Variants in UBE2B observed in about 807,000 individuals in gnomAD.
UBE2B encodes ubiquitin-conjugating enzyme E2 B.
In UBE2B, 11 loss-of-function variants were observed where a neutral mutation model predicts 24.6. That is an observed-to-expected ratio of 0.45 (90% CI 0.28 to 0.74). The LOEUF (loss-of-function observed/expected upper bound fraction) is 0.74. Among genes scored for constraint, UBE2B ranks in the 30% least tolerant of loss-of-function variants. The pLI is 0.13. For synonymous variants in UBE2B, 68 were observed against 62.4 expected, an observed-to-expected ratio of 1.09 and a Z score of -0.42; for missense variants, 78 against 185.6, an observed-to-expected ratio of 0.42 and a Z score of 3.37.
At chr5:134,387,184 T>C (rs1758819780) in intron 4 of UBE2B, among the ~76,000 whole-genome samples, 2 of 152,070 alleles carry the variant, frequency 1.3e-5, no homozygotes, top group Admixed American at 6.6e-5. Context: ...GGTCTCGAAC[T>C]CATGACCTCA....
chr5:134,388,465 G>A (rs1758842222), intron 5 of UBE2B, 52 bp downstream of exon 5: 2 of 1,529,516 alleles, frequency 1.3e-6, no homozygotes, highest in Non-Finnish European at 9.1e-7. Context: ...GTAGGATATA[G>A]TCAGCTCCTT....
rs186519333 is a variant in UBE2B, at chr5:134,372,991, G to T, written c.44+1352G>T. 1.2e-4 allele frequency among the ~76,000 whole-genome samples: 18 copies of T among 152,216 alleles called. No homozygotes were observed. In the East Asian group the frequency reaches 3.3e-3, roughly 28 times the overall value. On this transcript the variant is annotated intron_variant, in intron 1 of 5. Transcript: ENST00000265339. ...TAGTAAACTAGTTCATGTCATTGTC[G>T]CCCTGGCTCCTTACTGTAATGCTCT...
In UBE2B at chr5:134,390,353, A is replaced by G. The variant is rs774239114; in HGVS notation, c.459A>G (p.Ter153=). ...AIVEQSWNDS[*] ...TTGAACAAAGCTGGAATGATTCATAATAGACAACTGGTCTGTTAATCTTTT... is the reference window on the plus strand; with the variant it reads ...TTGAACAAAGCTGGAATGATTCATAGTAGACAACTGGTCTGTTAATCTTTT... The change falls in exon 6 of 6, where the codon TAA becomes TAG. Residue 153 remains the stop codon, a stop_retained_variant. Transcript: ENST00000265339. This position sits in a 1 kb window ranked among gnomAD's most constrained non-coding sequence, Gnocchi z 4.6. 33 of 1,613,928 alleles carry G rather than the reference A, an allele frequency of 2.0e-5. No homozygotes were observed. The highest frequency in any genetic ancestry group is 2.6e-5 in the Non-Finnish European group (31 of 1,179,952).
Position 134,388,296 on chromosome 5 carries a change from T to G in UBE2B, c.242-29T>G, listed in dbSNP as rs753683456. The G allele has an allele frequency of 1.9e-6, 3 of 1,581,624 alleles. No homozygotes were observed. The East Asian group carries it at 6.7e-5, about 35-fold the overall frequency. On this transcript the variant is annotated intron_variant, in intron 4 of 5. Coordinates refer to ENST00000265339, the MANE Select transcript of UBE2B (RefSeq NM_003337.4). Reference sequence around the variant, plus strand: ...CTTAACTGTTAGATATGGCAGAGTGTGTAACTAATTTTAGTATTGTCTTTG... The same window carrying G: ...CTTAACTGTTAGATATGGCAGAGTGGGTAACTAATTTTAGTATTGTCTTTG...
intron 5 of UBE2B, among the ~76,000 whole-genome samples, chr5:134,389,552 T>G (rs930421289): frequency 7.4e-6 from 1 of 135,944 alleles, no homozygotes; most frequent in Admixed American, 7.1e-5. Flanking sequence ...TTCTTTTTTC[T>G]TTTTTTTTTT....
In UBE2B at chr5:134,371,605, C is replaced by T. The variant is rs373518433; in HGVS notation, c.10C>T (p.Pro4Ser). 6 of 1,612,890 alleles carry T rather than the reference C, an allele frequency of 3.7e-6. No individual in the cohort carries two copies. The highest frequency in any genetic ancestry group is 2.7e-5 in the African/African-American group (2 of 74,832). The part of the protein sequence containing the change: MST[P>S]ARRRLMRDFK... ...GGGGCAGCTGCGGAGCATGTCGACC[C>T]CGGCCCGGAGGAGGCTCATGCGGGA... The change falls in exon 1 of 6, where the codon CCG (proline) becomes TCG (serine). Residue 4 changes from proline (P) to serine (S), a missense_variant. Physicochemically the swap from Pro to Ser is moderately conservative, Grantham distance 74 (BLOSUM62 -1). Transcript: ENST00000265339.
intron 1 of UBE2B, among the ~76,000 whole-genome samples, chr5:134,372,229 G>GA (rs1047690486): frequency 1.3e-5 from 2 of 152,206 alleles, no homozygotes; most frequent in Non-Finnish European, 2.9e-5. Context: ...AACTGACTTA[G>GA]AGATCTGGGA....
Position 134,382,151 on chromosome 5 carries a change from C to T in UBE2B, c.241+1343C>T, listed in dbSNP as rs34191552. Reference sequence around the variant, plus strand: ...GAAAAATCTGTTGGCTAAAATTAAGCTTTTCAAAAATACAATTTTGGCCAG... The same window carrying T: ...GAAAAATCTGTTGGCTAAAATTAAGTTTTTCAAAAATACAATTTTGGCCAG... On this transcript the variant is annotated intron_variant, in intron 4 of 5. Transcript: ENST00000265339. Among the ~76,000 whole-genome samples the T allele has an allele frequency of 7.3e-4, 111 of 152,184 alleles. 1 individual carries two copies. The highest frequency in any genetic ancestry group is 1.4e-3 in the Non-Finnish European group (95 of 67,996).
rs1428547939 is a variant in UBE2B at position 134,392,011 on chromosome 5, AT to A, written c.*1659del. ...TGGCAAATTCTGAGGTAAGTGTATG[AT>A]CTTAGGGAACTTTGATACAAATGGG... is the stretch of plus-strand genomic sequence containing the variant. On this transcript the variant is annotated 3_prime_UTR_variant, in exon 6 of 6. Coordinates refer to ENST00000265339, the MANE Select transcript of UBE2B (RefSeq NM_003337.4). The A allele has an allele frequency of 6.6e-6, 1 of 152,166 alleles. No homozygotes were observed. Among genetic ancestry groups the A allele is most frequent in the African/African-American group, 2.4e-5 (1 of 41,450 alleles). 9.4% of individuals were successfully genotyped at this position (152,166 alleles called of 1,614,324 possible). A position where few individuals can be genotyped will look rare whatever the true frequency, so the allele number is the denominator to read the frequency against.
In UBE2B at chr5:134,377,675, G is replaced by A. The variant is rs542259355; in HGVS notation, c.151+981G>A. 7.2e-5 allele frequency among the ~76,000 whole-genome samples: 11 copies of A among 152,156 alleles called. No individual in the cohort carries two copies. In the South Asian group the frequency reaches 2.3e-3, roughly 32 times the overall value. On this transcript the variant is annotated intron_variant, in intron 3 of 5. Coordinates refer to ENST00000265339, the MANE Select transcript of UBE2B (RefSeq NM_003337.4). ...GTTACCTTTTTTCTCTACATCAAGG[G>A]TTCTCAAGTGTGTGATCCATAAACC...
intron 1 of UBE2B, among the ~76,000 whole-genome samples, chr5:134,372,720 C>G (rs1758497566): frequency 6.6e-6 from 1 of 152,146 alleles, no homozygotes; most frequent in African/African-American, 2.4e-5. Context: ...TGCAGTTCTT[C>G]TAAGGCTTCT....
At chr5:134,384,795 TAAAAAC>T (rs1017354050) in intron 4 of UBE2B, among the ~76,000 whole-genome samples, 3 of 152,204 alleles carry the variant, frequency 2.0e-5, no homozygotes, top group Non-Finnish European at 2.9e-5. Flanking sequence ...ATGACCACTT[TAAAAAC>T]AACAAAAAGC....
intron 4 of UBE2B, among the ~76,000 whole-genome samples, chr5:134,386,706 A>G (rs1055625638): frequency 3.9e-5 from 6 of 152,060 alleles, no homozygotes; most frequent in Admixed American, 2.0e-4. Flanking sequence ...TTACATTTTG[A>G]CATTCGGTCT....
Position 134,376,163 on chromosome 5 carries a change from G to A in UBE2B, c.126-506G>A, listed in dbSNP as rs975473581. Among the ~76,000 whole-genome samples, 8 of 148,890 alleles carry A rather than the reference G, an allele frequency of 5.4e-5. No individual in the cohort carries two copies. In the South Asian group the frequency reaches 8.6e-4, roughly 16 times the overall value. ...AGCCTGGCCAATATGGTGAAACCCC[G>A]TTTCTACTAAAAATACAAAAATTAG... On this transcript the variant is annotated intron_variant, in intron 2 of 5. Transcript: ENST00000265339.
At chr5:134,376,025 C>A (rs1444276895) in intron 2 of UBE2B, among the ~76,000 whole-genome samples, 5 of 151,380 alleles carry the variant, frequency 3.3e-5, no homozygotes, top group Admixed American at 1.3e-4. Flanking sequence ...GAAAAGATGT[C>A]TTTTCCTCTT....
At chr5:134,379,095 T>C (rs1379791734) in intron 3 of UBE2B, among the ~76,000 whole-genome samples, 1 of 152,186 alleles carries the variant, frequency 6.6e-6, no homozygotes, top group African/African-American at 2.4e-5. Flanking sequence ...TAGTATATAA[T>C]GGAATATGGC....
At chr5:134,376,340 A>ATATATAT (rs1206993709) in intron 2 of UBE2B, among the ~76,000 whole-genome samples, 120 of 5,882 alleles carry the variant, frequency 0.02, 10 homozygotes, top group Middle Eastern at 0.062. Flanking sequence ...AAAAAAAAAA[A>ATATATAT]AAAAAAAAAT....
At chr5:134,373,792 T>C (rs1043049971) in intron 1 of UBE2B, among the ~76,000 whole-genome samples, 4 of 152,232 alleles carry the variant, frequency 2.6e-5, no homozygotes, top group African/African-American at 9.6e-5. Context: ...GCTTCATCCA[T>C]GTCCCTACAA....
Position 134,390,088 on chromosome 5 carries a change from C to T in UBE2B, c.331-137C>T. 1 of 1,073,992 alleles carries T rather than the reference C, an allele frequency of 9.3e-7. No homozygotes were observed. 66.5% of individuals were successfully genotyped at this position (1,073,992 alleles called of 1,614,324 possible). A position where few individuals can be genotyped will look rare whatever the true frequency, so the allele number is the denominator to read the frequency against. ...CAAATCATTTCTAAAAGTATTTAGA[C>T]CCAAAATTATATGACATGTTAATCT... is the stretch of plus-strand genomic sequence containing the variant. On this transcript the variant is annotated intron_variant, in intron 5 of 5. Coordinates refer to ENST00000265339, the MANE Select transcript of UBE2B (RefSeq NM_003337.4). The surrounding 1 kb of genome is among the most constrained non-coding windows in gnomAD (Gnocchi z 4.6).
Sources: gnomAD v4.1 joint callset for allele counts (sites outside exome capture counted in the v4.1 genomes callset) on GRCh38, gnomAD v4.1.1 for gene constraint, Gnocchi (gnomAD v3.1) non-coding constraint, MANE v1.5 for transcripts, NCBI Gene and HGNC (gene_info 2026-07-23, HGNC 2026-07-21) for gene names.